Variants in EPB41L4A observed in about 807,000 individuals in gnomAD.
EPB41L4A encodes the protein band 4.1-like protein 4A.
Under a neutral mutation model 108.6 loss-of-function variants are expected in EPB41L4A, and 100 were observed. The ratio of observed to expected loss-of-function variants is 0.92; its 90% CI spans 0.78 to 1.09. The LOEUF is 1.09. Among genes scored for constraint, EPB41L4A ranks in the 50% least tolerant of loss-of-function variants. EPB41L4A has a pLI of 0.00. For missense variants in EPB41L4A, 1,030 were observed against 842.7 expected (o/e 1.22, Z -2.75); for synonymous variants, 319 against 289.0 (o/e 1.10, Z -1.05).
intron 2 of EPB41L4A, among the ~76,000 whole-genome samples, chr5:112,305,900 G>T (rs1005194101): frequency 7.2e-5 from 11 of 152,018 alleles, no homozygotes; most frequent in African/African-American, 2.7e-4. Context: ...AAACCTTTAG[G>T]AGTAAAAGTA....
intron 9 of EPB41L4A, among the ~76,000 whole-genome samples, chr5:112,252,869 T>C (rs1265183355): frequency 2.0e-5 from 3 of 150,700 alleles, no homozygotes; most frequent in Non-Finnish European, 4.4e-5. Flanking sequence ...AAAAAATAGG[T>C]ATGTAATGTA....
intron 12 of EPB41L4A, among the ~76,000 whole-genome samples, chr5:112,151,150 T>C (rs966914251): frequency 1.3e-5 from 2 of 152,074 alleles, no homozygotes; most frequent in African/African-American, 4.8e-5. Context: ...AAAAATTATC[T>C]TGAATAGATG....
Position 112,259,935 on chromosome 5 carries a change from A to G in EPB41L4A, c.687T>C (p.Gly229=), listed in dbSNP as rs749277747. The change falls in exon 8 of 23, where the codon GGT becomes GGC. Residue 229 remains glycine (G), a synonymous_variant. Transcript: ENST00000261486. ...SEYFLGLTPV[G]VVVYKNKKQV... is the part of the protein sequence containing the mutation. The stretch of plus-strand genomic sequence containing the variant: ...GCTTTTTATTCTTGTACACAACAAC[A>G]CCAACCGGAGTTAATCCTAAGAAAT... The G allele has an allele frequency of 3.1e-6, 5 of 1,614,006 alleles. No individual in the cohort carries two copies. The Admixed American group carries it at 6.7e-5, about 22-fold the overall frequency.
chr5:112,281,065 A>G (rs778535170), intron 2 of EPB41L4A, among the ~76,000 whole-genome samples: 1 of 152,204 alleles, frequency 6.6e-6, no homozygotes, highest in Non-Finnish European at 1.5e-5. Context: ...TGTCATTGCC[A>G]TGTAACTTAG....
At chr5:112,179,898 C>T (rs4958004) in intron 18 of EPB41L4A, among the ~76,000 whole-genome samples, 114,795 of 151,970 alleles carry the variant, frequency 0.76, 43,788 homozygotes, top group East Asian at 1. Flanking sequence ...ATTGTAACCG[C>T]AGAAAATCGT....
At chr5:112,406,684 G>A (rs766847518) in intron 1 of EPB41L4A, among the ~76,000 whole-genome samples, 3 of 152,070 alleles carry the variant, frequency 2.0e-5, no homozygotes, top group Non-Finnish European at 4.4e-5. Context: ...TGATGGGATT[G>A]GCAGTGAAAT....
At chr5:112,346,216 A>AGTTTTTTTTT (rs1757661352) in intron 1 of EPB41L4A, among the ~76,000 whole-genome samples, 1 of 67,294 alleles carries the variant, frequency 1.5e-5, no homozygotes, top group Non-Finnish European at 3.1e-5. Context: ...GGTACATTGC[A>AGTTTTTTTTT]TTTTTTTTTT....
chr5:112,327,485 G>A (rs1413215365), intron 1 of EPB41L4A, among the ~76,000 whole-genome samples: 1 of 152,142 alleles, frequency 6.6e-6, no homozygotes, highest in Non-Finnish European at 1.5e-5. Context: ...GGACACAAAG[G>A]TGGGAGAATC....
At chr5:112,269,546 A>C (rs896644779) in intron 4 of EPB41L4A, among the ~76,000 whole-genome samples, 5 of 152,168 alleles carry the variant, frequency 3.3e-5, no homozygotes, top group Non-Finnish European at 5.9e-5. Context: ...GATTAAAGCT[A>C]TGATGGAATG....
At chr5:112,155,610 T>C (rs1759619923) in intron 12 of EPB41L4A, among the ~76,000 whole-genome samples, 1 of 152,020 alleles carries the variant, frequency 6.6e-6, no homozygotes, top group African/African-American at 2.4e-5. Context: ...TCCTCCCTAA[T>C]TATAACAATG....
At chr5:112,361,459 A>G (rs1055176114) in intron 1 of EPB41L4A, among the ~76,000 whole-genome samples, 1 of 151,350 alleles carries the variant, frequency 6.6e-6, no homozygotes, top group African/African-American at 2.4e-5. Flanking sequence ...TCCCTCCACT[A>G]TTGTCCTATG....
rs1477507551 is a variant in EPB41L4A at position 112,332,557 on chromosome 5, C to G, written c.100-25067G>C. Among the ~76,000 whole-genome samples, 3 of 152,298 alleles carry G rather than the reference C, an allele frequency of 2.0e-5. 1 individual carries two copies. The highest frequency in any genetic ancestry group is 2.0e-4 in the Admixed American group (3 of 15,300). ...TGACACCCCAGACTCTCTCTGGAGTCAGTCTTCTACTCCCCAACCTGGACA... is the reference window on the plus strand; with the variant it reads ...TGACACCCCAGACTCTCTCTGGAGTGAGTCTTCTACTCCCCAACCTGGACA... On this transcript the variant is annotated intron_variant, in intron 1 of 22. Coordinates refer to ENST00000261486, the MANE Select transcript of EPB41L4A (RefSeq NM_022140.5).
intron 18 of EPB41L4A, among the ~76,000 whole-genome samples, chr5:112,182,506 A>G (rs978163308): frequency 6.6e-6 from 1 of 152,058 alleles, no homozygotes; most frequent in Non-Finnish European, 1.5e-5. Context: ...TTCTAATTTT[A>G]TTTTACTTTC....
intron 3 of EPB41L4A, 124 bp from the exon 4 acceptor site, chr5:112,275,528 A>G (rs1752570077): frequency 3.3e-6 from 4 of 1,194,946 alleles, no homozygotes; most frequent in Non-Finnish European, 4.5e-6. Context: ...AAAACATAAG[A>G]TAAAAACAGC....
intron 4 of EPB41L4A, among the ~76,000 whole-genome samples, chr5:112,271,197 A>T (rs1375256560): frequency 2.6e-5 from 4 of 152,206 alleles, no homozygotes; most frequent in Non-Finnish European, 5.9e-5. Flanking sequence ...GGGATAGTAA[A>T]ATGATTCATA....
chr5:112,201,190 T>C (rs1201110989), intron 15 of EPB41L4A, among the ~76,000 whole-genome samples: 1 of 152,222 alleles, frequency 6.6e-6, no homozygotes. Context: ...CATGCAGCAA[T>C]GGCTCATTGC....
At chr5:112,181,636 A>G (rs556461804) in intron 18 of EPB41L4A, among the ~76,000 whole-genome samples, 6 of 152,334 alleles carry the variant, frequency 3.9e-5, no homozygotes, top group African/African-American at 1.4e-4. Flanking sequence ...ATATTGCAGT[A>G]TATACAAAAA....
At chr5:112,228,564 T>A (rs1217107452) in intron 12 of EPB41L4A, 1 of 223,848 alleles carries the variant, frequency 4.5e-6, no homozygotes, top group East Asian at 1.8e-4. Context: ...AAATGCTGCA[T>A]CAGATAATCA....
chr5:112,261,095 G>T (rs543817354), intron 7 of EPB41L4A, among the ~76,000 whole-genome samples: 1 of 152,280 alleles, frequency 6.6e-6, no homozygotes, highest in South Asian at 2.1e-4. Context: ...GCTAAAGGGA[G>T]GGAAGGTAAA....
Sources: allele counts gnomAD v4.1 joint callset (sites outside exome capture counted in the v4.1 genomes callset), GRCh38; gene constraint gnomAD v4.1.1; transcripts MANE v1.5; gene names NCBI Gene and HGNC (gene_info 2026-07-23, HGNC 2026-07-21).